The following CHD6 variants were observed in gnomAD, a reference collection of about 807,000 sequenced individuals.
The protein encoded by CHD6 is ATP-dependent chromatin remodeler CHD6.
CHD6 carries 50 observed loss-of-function variants against 276.9 expected under a neutral mutation model. The ratio of observed to expected loss-of-function variants is 0.18; its 90% confidence interval spans 0.14 to 0.23. The LOEUF (loss-of-function observed/expected upper bound fraction) is 0.23, where lower values mean the gene tolerates loss of function less well. Among genes scored for constraint, CHD6 ranks in the 10% least tolerant of loss-of-function variants. The probability of loss-of-function intolerance (pLI) is 1.00; values close to 1 mark genes in which losing one functional copy is unlikely to be tolerated. For synonymous variants in CHD6, 1,173 were observed against 1,229.3 expected, an observed-to-expected ratio of 0.95 and a Z score of 0.96; for missense variants, 2,564 against 3,365.8, an observed-to-expected ratio of 0.76 and a Z score of 5.89.
At position 41,506,568 on chromosome 20, in the gene CHD6, T is replaced by C. The variant is rs1175771767; in HGVS notation, c.852+6278A>G. The stretch of plus-strand genomic sequence containing the variant: ...ACTGCAATCCTCACCCTGAATTCCA[T>C]ATCACCCTTATTCTAATATATTTTT... On this transcript the variant is annotated intron_variant, in intron 5 of 36. Coordinates refer to ENST00000373233, the MANE Select transcript of CHD6 (RefSeq NM_032221.5). Among the ~76,000 whole-genome samples, 3 of 152,246 alleles carry C rather than the reference T, an allele frequency of 2.0e-5. No homozygotes were observed. The South Asian group carries it at 6.2e-4, about 32-fold the overall frequency.
At chr20:41,583,698 G>C (rs759451434) in intron 1 of CHD6, among the ~76,000 whole-genome samples, 2 of 151,970 alleles carry the variant, frequency 1.3e-5, no homozygotes, top group African/African-American at 2.4e-5. Context: ...GTGTATTGTA[G>C]AGATTATAAA....
Position 41,425,330 on chromosome 20 carries a change from G to A in CHD6, c.4194C>T (p.Leu1398=). ...GCTGGTAAACAGTGACCAGACGTCT[G>A]AGACGAGCTGTGAGGGCGGAGGAAA... ...WPVSSALTAR[L]RRLVTVYQRC... The change falls in exon 29 of 37, where the codon CTC becomes CTT. Residue 1398 remains leucine, a synonymous_variant. Transcript: ENST00000373233. 1 of 1,614,214 alleles carries A rather than the reference G, an allele frequency of 6.2e-7. No individual in the cohort carries two copies. The highest frequency in any genetic ancestry group is 8.5e-7 in the Non-Finnish European group (1 of 1,180,040).
chr20:41,519,252 C>T (rs1222017249), intron 3 of CHD6, among the ~76,000 whole-genome samples: 1 of 151,864 alleles, frequency 6.6e-6, no homozygotes, highest in Non-Finnish European at 1.5e-5. Context: ...CACTGCACTC[C>T]AACCTGACTG....
chr20:41,445,959 G>A (rs1431586505), intron 24 of CHD6, among the ~76,000 whole-genome samples, 191 bp from the exon 25 acceptor site: 4 of 152,238 alleles, frequency 2.6e-5, no homozygotes, highest in Non-Finnish European at 5.9e-5. Context: ...TTAAGCATAA[G>A]TACTTGATTT....
In CHD6 at chr20:41,465,327, C is replaced by G. The variant is rs537790726; in HGVS notation, c.2665-7899G>C. ...AATAAGATGTATTCATATCACGCAT[C>G]CCCTGATACAATGCACTGAGGAGGA... is the stretch of plus-strand genomic sequence containing the variant. On this transcript the variant is annotated intron_variant, in intron 17 of 36. Transcript: ENST00000373233. Among the ~76,000 whole-genome samples, 43 of 152,284 alleles carry G rather than the reference C, an allele frequency of 2.8e-4. No homozygotes were observed. In the South Asian group the frequency reaches 8.9e-3, roughly 32 times the overall value.
rs1279561180 is a variant in CHD6 at position 41,455,985 on chromosome 20, C to A, written c.2830-6G>T. On this transcript the variant is annotated splice_region_variant and splice_polypyrimidine_tract_variant and intron_variant, in intron 18 of 36. Transcript: ENST00000373233. ...ATTTTTGAGAGCTGCTGTACCTGGA[C>A]AGGTCACCAAAGGCTACTCACAAAG... 2.6e-6 allele frequency: 4 copies of A among 1,529,284 alleles called. No homozygotes were observed. The African/African-American group carries it at 4.2e-5, about 16-fold the overall frequency. The allele number at this position is 1,529,284 out of a possible 1,614,324, so 94.7% of individuals were successfully genotyped here.
At position 41,419,554 on chromosome 20, in the gene CHD6, CAAAAAAAAAAAAAAAAAAAA is replaced by C. The variant is rs58696183; in HGVS notation, c.6127+934_6127+953del. On this transcript the variant is annotated intron_variant, in intron 31 of 36. Transcript: ENST00000373233. ...TGGGTGACAGAGCAAGACTCTGTCT[CAAAAAAAAAAAAAAAAAAAA>C]AAAAAAAAAAAAAAAAAGGCTAGAT... Among the ~76,000 whole-genome samples, 142 of 23,466 alleles carry C rather than the reference CAAAAAAAAAAAAAAAAAAAA, an allele frequency of 6.1e-3. 1 individual carries two copies. Among genetic ancestry groups the C allele is most frequent in the South Asian group, 0.025 (10 of 398 alleles). 15.4% of individuals were successfully genotyped at this position (23,466 alleles called of 152,430 possible). A position where few individuals can be genotyped will look rare whatever the true frequency, so the allele number is the denominator to read the frequency against.
chr20:41,433,605 G>A (rs917962519), intron 27 of CHD6, among the ~76,000 whole-genome samples: 12 of 152,038 alleles, frequency 7.9e-5, no homozygotes, highest in African/African-American at 2.4e-4. Flanking sequence ...TAAAAGAAGA[G>A]CTAAAGAGAT....
intron 19 of CHD6, 148 bp downstream of exon 19, chr20:41,455,652 A>T: frequency 3.5e-6 from 2 of 570,252 alleles, no homozygotes; most frequent in Non-Finnish European, 6.2e-6. Flanking sequence ...CTAAGGATCT[A>T]TATCTTTAGA....
At chr20:41,591,642 A>C (rs1392283975) in intron 1 of CHD6, among the ~76,000 whole-genome samples, 1 of 152,100 alleles carries the variant, frequency 6.6e-6, no homozygotes, top group Non-Finnish European at 1.5e-5. Flanking sequence ...GTGGTAAGCC[A>C]AGATTGCACC....
At chr20:41,492,304 A>T (rs955358842) in intron 10 of CHD6, among the ~76,000 whole-genome samples, 1 of 152,228 alleles carries the variant, frequency 6.6e-6, no homozygotes, top group Admixed American at 6.5e-5. Flanking sequence ...AAAGAATAAT[A>T]ATCAACCATG....
At chr20:41,486,390 G>A (rs1428221718) in intron 14 of CHD6, among the ~76,000 whole-genome samples, 1 of 152,182 alleles carries the variant, frequency 6.6e-6, no homozygotes, top group Non-Finnish European at 1.5e-5. Context: ...TGGGAGAAGA[G>A]GATGCATTTC....
chr20:41,474,758 G>A (rs190318427), intron 16 of CHD6, among the ~76,000 whole-genome samples: 1 of 152,266 alleles, frequency 6.6e-6, no homozygotes, highest in East Asian at 1.9e-4. Context: ...ATATGATCTT[G>A]ACTTCCTTGA....
chr20:41,578,290 G>C (rs529051595), intron 1 of CHD6, among the ~76,000 whole-genome samples: 3 of 152,120 alleles, frequency 2.0e-5, no homozygotes, highest in Non-Finnish European at 4.4e-5. Context: ...ACTTAATTTA[G>C]CAAACTACAA....
chr20:41,489,475 T>A (rs1463903325), intron 12 of CHD6, among the ~76,000 whole-genome samples: 1 of 152,186 alleles, frequency 6.6e-6, no homozygotes, highest in Non-Finnish European at 1.5e-5. Flanking sequence ...ACTGAACACA[T>A]AACAATTCAG....
intron 1 of CHD6, among the ~76,000 whole-genome samples, chr20:41,565,604 G>C (rs1234713769): frequency 6.6e-6 from 1 of 152,080 alleles, no homozygotes; most frequent in Non-Finnish European, 1.5e-5. Context: ...TGAAACTTAG[G>C]GTTAGAGCTG....
intron 1 of CHD6, among the ~76,000 whole-genome samples, chr20:41,617,763 G>A (rs1340719729): frequency 6.6e-6 from 1 of 151,962 alleles, no homozygotes; most frequent in Non-Finnish European, 1.5e-5. Context: ...GCGATCCGAG[G>A]CCGCGCAGGG....
intron 2 of CHD6, among the ~76,000 whole-genome samples, chr20:41,543,395 G>T (rs2044983608): frequency 6.6e-6 from 1 of 152,042 alleles, no homozygotes; most frequent in African/African-American, 2.4e-5. Flanking sequence ...TTAGAAATAA[G>T]AATCAGCAAG....
At chr20:41,522,463 A>G (rs921232479) in intron 3 of CHD6, among the ~76,000 whole-genome samples, 2 of 152,226 alleles carry the variant, frequency 1.3e-5, no homozygotes, top group Non-Finnish European at 2.9e-5. Context: ...GAAGAGAAGC[A>G]GGATATTTGC....
Sources: gnomAD v4.1 joint callset for allele counts (sites outside exome capture counted in the v4.1 genomes callset) on GRCh38, gnomAD v4.1.1 for gene constraint, MANE v1.5 for transcripts, NCBI Gene and HGNC (gene_info 2026-07-23, HGNC 2026-07-21) for gene names.